Variants in AKAP6 observed in about 807,000 individuals in gnomAD.
AKAP6 encodes the protein A-kinase anchoring protein 6.
In AKAP6, 58 loss-of-function variants were observed where a neutral mutation model predicts 188.5. That is an observed-to-expected ratio of 0.31 (90% confidence interval 0.25 to 0.38). AKAP6 has a LOEUF of 0.38. Ranked by LOEUF, AKAP6 falls within the 10% of genes least tolerant of loss-of-function variation. The probability of loss-of-function intolerance (pLI) is 1.00; values close to 1 mark genes in which losing one functional copy is unlikely to be tolerated. For synonymous variants in AKAP6, 989 were observed against 998.6 expected (o/e 0.99, Z 0.18); for missense variants, 2,710 against 2,740.0 (o/e 0.99, Z 0.24).
intron 10 of AKAP6, 144 bp from the exon 11 acceptor site, chr14:32,735,514 A>T: frequency 1.7e-6 from 1 of 598,734 alleles, no homozygotes; most frequent in Non-Finnish European, 2.9e-6. Context: ...GTATAGATGG[A>T]CTCTTCCAGG....
At chr14:32,742,357 A>G (rs1455288429) in intron 11 of AKAP6, among the ~76,000 whole-genome samples, 4 of 150,994 alleles carry the variant, frequency 2.6e-5, no homozygotes, top group African/African-American at 7.3e-5. Flanking sequence ...TCTTCATTTC[A>G]ATTTCTTTTA....
intron 12 of AKAP6, among the ~76,000 whole-genome samples, chr14:32,785,112 T>C (rs17099538): frequency 0.1 from 15,382 of 152,116 alleles, 851 homozygotes; most frequent in East Asian, 0.21. Flanking sequence ...AGAACACCAT[T>C]TGGAAATAAA....
At chr14:32,421,006 A>T (rs1889830288) in intron 1 of AKAP6, among the ~76,000 whole-genome samples, 1 of 151,664 alleles carries the variant, frequency 6.6e-6, no homozygotes, top group South Asian at 2.1e-4. Flanking sequence ...TTGGTATGAA[A>T]TTCTAGGTTA....
intron 2 of AKAP6, among the ~76,000 whole-genome samples, chr14:32,454,229 A>T (rs1891043464): frequency 6.6e-6 from 1 of 152,150 alleles, no homozygotes; most frequent in South Asian, 2.1e-4. Context: ...CTGGCATTTT[A>T]AAAAATATAT....
chr14:32,395,498 G>A (rs547507559), intron 1 of AKAP6, among the ~76,000 whole-genome samples: 17 of 152,184 alleles, frequency 1.1e-4, no homozygotes, highest in African/African-American at 3.9e-4. Context: ...ATCAAGCCAG[G>A]GCTGGTAGAT....
intron 11 of AKAP6, among the ~76,000 whole-genome samples, chr14:32,736,473 T>C (rs1278870857): frequency 1.3e-5 from 2 of 152,194 alleles, no homozygotes; most frequent in Non-Finnish European, 2.9e-5. Flanking sequence ...TTGTTCCTAT[T>C]GTTTACACAA....
intron 2 of AKAP6, among the ~76,000 whole-genome samples, chr14:32,509,399 T>C (rs1341887309): frequency 6.6e-6 from 1 of 152,148 alleles, no homozygotes; most frequent in African/African-American, 2.4e-5. Context: ...ATTGAGTACC[T>C]ACTTTGTACC....
chr14:32,817,907 CT>C (rs962638611), intron 12 of AKAP6, among the ~76,000 whole-genome samples: 1 of 151,908 alleles, frequency 6.6e-6, no homozygotes, highest in Non-Finnish European at 1.5e-5. Flanking sequence ...ATATGCAAAT[CT>C]TTTTTTTCCC....
chr14:32,833,838 T>C lies in AKAP6; in HGVS notation c.*4033T>C, dbSNP rs1326569092. On this transcript the variant is annotated 3_prime_UTR_variant, in exon 14 of 14. Transcript: ENST00000280979. ...TTTTTTCTACATATTCTTTTTTCAA[T>C]TTTCATTTTGAAAAAATTCAGACCT... The C allele has an allele frequency of 6.6e-6, 1 of 152,210 alleles. No individual in the cohort carries two copies. The highest frequency in any genetic ancestry group is 1.5e-5 in the Non-Finnish European group (1 of 68,028). The allele number at this position is 152,210 out of a possible 1,614,324, so 9.4% of individuals were successfully genotyped here. A position where few individuals can be genotyped will look rare whatever the true frequency, so the allele number is the denominator to read the frequency against.
intron 8 of AKAP6, among the ~76,000 whole-genome samples, chr14:32,681,488 A>G (rs549795541): frequency 6.6e-6 from 1 of 152,254 alleles, no homozygotes; most frequent in South Asian, 2.1e-4. Context: ...TGGACTCTTA[A>G]TAAGCTTTTC....
intron 2 of AKAP6, among the ~76,000 whole-genome samples, chr14:32,483,003 A>ATGTGTG (rs1415706046): frequency 0.1 from 8,126 of 77,828 alleles, 741 homozygotes; most frequent in African/African-American, 0.23. Flanking sequence ...ATATATATAT[A>ATGTGTG]TATATATATG....
chr14:32,654,584 G>A (rs1888372046), intron 7 of AKAP6, among the ~76,000 whole-genome samples: 1 of 151,818 alleles, frequency 6.6e-6, no homozygotes, highest in Non-Finnish European at 1.5e-5. Context: ...AGCTGGCTCA[G>A]GCCTGCAATC....
intron 7 of AKAP6, among the ~76,000 whole-genome samples, chr14:32,615,905 T>G (rs1418590853): frequency 6.6e-6 from 1 of 152,282 alleles, no homozygotes; most frequent in East Asian, 1.9e-4. Flanking sequence ...AAACCATTAC[T>G]TTTTAACCTC....
chr14:32,420,683 T>C (rs184650391), intron 1 of AKAP6, among the ~76,000 whole-genome samples: 2 of 152,258 alleles, frequency 1.3e-5, no homozygotes, highest in South Asian at 2.1e-4. Context: ...CAACATCATC[T>C]GTTTGAAGCA....
intron 9 of AKAP6, among the ~76,000 whole-genome samples, chr14:32,713,370 T>C (rs1307922112): frequency 6.6e-6 from 1 of 151,986 alleles, no homozygotes; most frequent in Non-Finnish European, 1.5e-5. Context: ...CATCAACAGC[T>C]TTAGCCTCTC....
intron 9 of AKAP6, among the ~76,000 whole-genome samples, chr14:32,716,081 G>C (rs2030182208): frequency 6.6e-6 from 1 of 151,952 alleles, no homozygotes; most frequent in Non-Finnish European, 1.5e-5. Context: ...CACACAGCTA[G>C]TAAGCAATGC....
At chr14:32,385,818 T>C (rs1454743550) in intron 1 of AKAP6, among the ~76,000 whole-genome samples, 2 of 150,728 alleles carry the variant, frequency 1.3e-5, no homozygotes, top group Non-Finnish European at 3.0e-5. Context: ...ATCGTATTCC[T>C]ATATATGGTG....
At chr14:32,650,755 G>A (rs189239952) in intron 7 of AKAP6, among the ~76,000 whole-genome samples, 5 of 152,180 alleles carry the variant, frequency 3.3e-5, no homozygotes, top group Admixed American at 2.0e-4. Flanking sequence ...TAATGAAAGC[G>A]GCATTGTTCA....
chr14:32,626,472 T>C (rs1229666986), intron 7 of AKAP6, among the ~76,000 whole-genome samples: 1 of 152,034 alleles, frequency 6.6e-6, no homozygotes, highest in Non-Finnish European at 1.5e-5. Flanking sequence ...AAACTCAAAA[T>C]CCTTAAAAAG....
Sources: allele counts gnomAD v4.1 joint callset (sites outside exome capture counted in the v4.1 genomes callset), GRCh38; gene constraint gnomAD v4.1.1; transcripts MANE v1.5; gene names NCBI Gene and HGNC (gene_info 2026-07-23, HGNC 2026-07-21).